The following NELL1 variants were observed in gnomAD, a reference collection of about 807,000 sequenced individuals.
The protein encoded by NELL1 is protein kinase C-binding protein NELL1.
A neutral mutation model predicts 107.4 loss-of-function variants in NELL1; 76 were observed. That is an observed-to-expected ratio of 0.71 (90% CI 0.59 to 0.86). The LOEUF is 0.86. NELL1 is among the 40% of genes least tolerant of loss of function. NELL1 has a pLI of 0.00. For missense variants in NELL1, 1,024 were observed against 1,005.5 expected, an observed-to-expected ratio of 1.02 and a Z score of -0.25; for synonymous variants, 353 against 341.2, an observed-to-expected ratio of 1.03 and a Z score of -0.38.
intron 15 of NELL1, among the ~76,000 whole-genome samples, chr11:21,408,458 T>C (rs201106423): frequency 6.6e-6 from 1 of 152,118 alleles, no homozygotes; most frequent in East Asian, 1.9e-4. Flanking sequence ...TTGAGTTCTT[T>C]TGCTATAGTT....
At chr11:20,825,877 T>A (rs1326180891) in intron 3 of NELL1, among the ~76,000 whole-genome samples, 1 of 151,200 alleles carries the variant, frequency 6.6e-6, no homozygotes, top group Admixed American at 6.6e-5. Context: ...CGGCTCTATG[T>A]CCCCACCCAA....
intron 5 of NELL1, among the ~76,000 whole-genome samples, chr11:20,904,816 T>A (rs957318993): frequency 6.6e-6 from 1 of 151,776 alleles, no homozygotes. Context: ...TTTTTTAAGT[T>A]TTTTTTTCTT....
intron 12 of NELL1, among the ~76,000 whole-genome samples, chr11:21,047,958 G>C (rs1264039859): frequency 1.3e-5 from 2 of 152,162 alleles, no homozygotes; most frequent in African/African-American, 4.8e-5. Context: ...CTTCAAGTCA[G>C]GGAGGCCCAG....
chr11:21,132,347 T>C (rs1486041468), intron 13 of NELL1, among the ~76,000 whole-genome samples: 4 of 152,166 alleles, frequency 2.6e-5, no homozygotes, highest in South Asian at 2.1e-4. Context: ...CCCGTCTAAG[T>C]ATTGCTCAGG....
At chr11:20,936,120 G>A (rs1850719869) in intron 9 of NELL1, among the ~76,000 whole-genome samples, 2 of 152,160 alleles carry the variant, frequency 1.3e-5, no homozygotes, top group African/African-American at 4.8e-5. Context: ...AGAAGGAGAA[G>A]TTAAGCTGCA....
At position 21,067,391 on chromosome 11, in the gene NELL1, G is replaced by A. The variant is rs143669240; in HGVS notation, c.1301-46198G>A. Among the ~76,000 whole-genome samples, 742 of 152,170 alleles carry A rather than the reference G, an allele frequency of 4.9e-3. 9 individuals are homozygous for A. The highest frequency in any genetic ancestry group is 0.016 in the African/African-American group (654 of 41,522). ...TTTTAAAGTCTTGCATTTTAAAGTA[G>A]TGTTCAAAAATCTCACTGGCCCAGT... On this transcript the variant is annotated intron_variant, in intron 12 of 19. Transcript: ENST00000357134.
At chr11:21,464,414 A>T (rs1853974951) in intron 15 of NELL1, among the ~76,000 whole-genome samples, 1 of 151,828 alleles carries the variant, frequency 6.6e-6, no homozygotes. Flanking sequence ...AAAAAAAAAA[A>T]AAAAAAATTC....
At chr11:21,358,193 T>C (rs1850982725) in intron 14 of NELL1, among the ~76,000 whole-genome samples, 1 of 152,166 alleles carries the variant, frequency 6.6e-6, no homozygotes, top group Admixed American at 6.5e-5. Context: ...ATGATGATGG[T>C]CCTTCGATGG....
At chr11:20,697,967 C>T (rs115884360) in intron 2 of NELL1, among the ~76,000 whole-genome samples, 5 of 152,116 alleles carry the variant, frequency 3.3e-5, no homozygotes, top group East Asian at 1.9e-4. Flanking sequence ...TGTTAAATGC[C>T]GATCTTCCAG....
intron 14 of NELL1, among the ~76,000 whole-genome samples, chr11:21,307,908 T>C (rs1849642590): frequency 6.6e-6 from 1 of 152,038 alleles, no homozygotes; most frequent in Admixed American, 6.6e-5. Context: ...AATTATTGAG[T>C]AAAGTTCTTT....
intron 1 of NELL1, chr11:20,674,554 C>T: frequency 1.3e-6 from 2 of 1,533,520 alleles, no homozygotes; most frequent in South Asian, 1.2e-5. Context: ...GTCTCTGCTT[C>T]AGCAATCCCT....
intron 14 of NELL1, among the ~76,000 whole-genome samples, chr11:21,352,865 G>A (rs1366892895): frequency 6.6e-6 from 1 of 152,202 alleles, no homozygotes; most frequent in Admixed American, 6.5e-5. Context: ...CTCTGCAAAT[G>A]TTGGATGAAG....
At chr11:20,959,886 G>C (rs943278036) in intron 11 of NELL1, among the ~76,000 whole-genome samples, 15 of 152,020 alleles carry the variant, frequency 9.9e-5, no homozygotes, top group Admixed American at 7.2e-4. Context: ...GTTTAAAATG[G>C]GCAAAGCTAA....
intron 13 of NELL1, among the ~76,000 whole-genome samples, chr11:21,138,909 G>T (rs1189746614): frequency 6.6e-6 from 1 of 152,136 alleles, no homozygotes. Context: ...CTAGCATCCA[G>T]CTCGTCATAG....
At chr11:20,781,098 T>C (rs897802385) in intron 2 of NELL1, among the ~76,000 whole-genome samples, 3 of 152,126 alleles carry the variant, frequency 2.0e-5, no homozygotes, top group Non-Finnish European at 4.4e-5. Context: ...TCATTGGAAG[T>C]GCCCTAGGGA....
intron 13 of NELL1, among the ~76,000 whole-genome samples, chr11:21,118,123 C>T (rs773935024): frequency 5.9e-5 from 9 of 151,982 alleles, no homozygotes; most frequent in Non-Finnish European, 1.3e-4. Flanking sequence ...CAATATTAGG[C>T]ACATTGTATT....
intron 12 of NELL1, among the ~76,000 whole-genome samples, chr11:21,027,562 T>A (rs1852845218): frequency 6.6e-6 from 1 of 152,082 alleles, no homozygotes; most frequent in South Asian, 2.1e-4. Flanking sequence ...TCATGCTTGT[T>A]TTTCTTCACT....
At chr11:20,913,422 CT>C (rs1167889103) in intron 5 of NELL1, among the ~76,000 whole-genome samples, 10 of 152,132 alleles carry the variant, frequency 6.6e-5, no homozygotes, top group African/African-American at 2.4e-4. Context: ...TTTAGAAGAG[CT>C]TGCTTAATCT....
intron 13 of NELL1, among the ~76,000 whole-genome samples, chr11:21,177,830 C>A (rs1207466782): frequency 6.6e-6 from 1 of 151,652 alleles, no homozygotes; most frequent in Non-Finnish European, 1.5e-5. Context: ...GAGGTAATGT[C>A]TCATTGTGAT....
Sources: gnomAD v4.1 joint callset for allele counts (sites outside exome capture counted in the v4.1 genomes callset) on GRCh38, gnomAD v4.1.1 for gene constraint, MANE v1.5 for transcripts, NCBI Gene and HGNC (gene_info 2026-07-23, HGNC 2026-07-21) for gene names.